The following GOSR1 variants were observed in gnomAD, a reference collection of about 807,000 sequenced individuals.
The protein encoded by GOSR1 is golgi SNAP receptor complex member 1, also known as 28 kDa Golgi SNARE protein.
GOSR1 carries 21 observed loss-of-function variants against 35.5 expected under a neutral mutation model. The observed-to-expected ratio is 0.59, with a 90% confidence interval of 0.42 to 0.85. The LOEUF (loss-of-function observed/expected upper bound fraction) is 0.85. GOSR1 is among the 40% of genes least tolerant of loss of function. GOSR1 has a pLI of 0.00. For missense variants in GOSR1, 285 were observed against 309.6 expected, an observed-to-expected ratio of 0.92 and a Z score of 0.60; for synonymous variants, 94 against 106.6, an observed-to-expected ratio of 0.88 and a Z score of 0.73.
intron 6 of GOSR1, among the ~76,000 whole-genome samples, chr17:30,500,966 C>T (rs1187659949): frequency 2.0e-5 from 3 of 151,456 alleles, no homozygotes; most frequent in African/African-American, 7.3e-5. Flanking sequence ...CTGCAAGCTC[C>T]GCCTCCCGGG....
chr17:30,484,958 T>C (rs562198917), intron 4 of GOSR1, 188 bp downstream of exon 4: 3 of 622,602 alleles, frequency 4.8e-6, no homozygotes, highest in African/African-American at 3.7e-5. Context: ...TCTGAAAATA[T>C]CTAATAGCTC....
chr17:30,513,765 C>T (rs1967698773), intron 7 of GOSR1, among the ~76,000 whole-genome samples: 1 of 151,924 alleles, frequency 6.6e-6, no homozygotes, highest in Admixed American at 6.6e-5. Context: ...GCCAGAGCAA[C>T]ATAGTGAGAC....
intron 7 of GOSR1, among the ~76,000 whole-genome samples, chr17:30,516,970 T>A (rs1967842175): frequency 6.6e-6 from 1 of 152,156 alleles, no homozygotes; most frequent in South Asian, 2.1e-4. Flanking sequence ...CTGCCTTGGC[T>A]TCCCAAAGTG....
intron 7 of GOSR1, among the ~76,000 whole-genome samples, chr17:30,519,374 T>G (rs1967941700): frequency 6.6e-6 from 1 of 152,218 alleles, no homozygotes; most frequent in Non-Finnish European, 1.5e-5. Context: ...CCACGTTTAA[T>G]GAGTCTGTGA....
chr17:30,489,559 G>A (rs1017413815), intron 4 of GOSR1, among the ~76,000 whole-genome samples: 2 of 152,086 alleles, frequency 1.3e-5, no homozygotes, highest in Non-Finnish European at 2.9e-5. Context: ...GGTCAACAGG[G>A]ACTCTGGGAG....
chr17:30,505,486 A>G (rs1187678543), intron 6 of GOSR1, among the ~76,000 whole-genome samples: 6 of 152,120 alleles, frequency 3.9e-5, no homozygotes, highest in South Asian at 2.1e-4. Flanking sequence ...TACAGATACT[A>G]TTTTTTACAA....
intron 6 of GOSR1, among the ~76,000 whole-genome samples, chr17:30,501,096 G>T (rs2143778991): frequency 6.6e-6 from 1 of 152,124 alleles, no homozygotes; most frequent in African/African-American, 2.4e-5. Context: ...TAGCCGGGAT[G>T]GTCTCGATCT....
intron 6 of GOSR1, chr17:30,495,374 T>C: frequency 2.2e-6 from 1 of 448,366 alleles, no homozygotes; most frequent in South Asian, 1.6e-5. Flanking sequence ...TTTTGTCATT[T>C]TGAATAAAAT....
At chr17:30,495,620 G>A (rs1340618092) in intron 6 of GOSR1, 1 of 322,864 alleles carries the variant, frequency 3.1e-6, no homozygotes, top group Non-Finnish European at 6.2e-6. Flanking sequence ...CTCACTGTCA[G>A]CCAACACATT....
Position 30,477,465 on chromosome 17 carries a change from G to T in GOSR1, c.31+1G>T. On this transcript the variant is annotated splice_donor_variant, in intron 1 of 8. Transcript: ENST00000451249. LOFTEE classifies it high-confidence loss of function. ...GCAGGGACCAGCAGTTACTGGGAAGGTGAGGGCGAGAAGGCCTCCGGGTGC... is the reference window on the plus strand; with the variant it reads ...GCAGGGACCAGCAGTTACTGGGAAGTTGAGGGCGAGAAGGCCTCCGGGTGC... 6.2e-7 allele frequency: 1 copy of T among 1,608,166 alleles called. No individual in the cohort carries two copies. Among genetic ancestry groups the T allele is most frequent in the Non-Finnish European group, 8.5e-7 (1 of 1,176,640 alleles).
At chr17:30,480,742 TG>T (rs1317596429) in intron 1 of GOSR1, 5 of 77,490 alleles carry the variant, frequency 6.5e-5, no homozygotes, top group Admixed American at 1.3e-4. Flanking sequence ...GACATAGTTT[TG>T]TTCTTGTTAC....
At chr17:30,497,031 A>G (rs549035119) in intron 6 of GOSR1, among the ~76,000 whole-genome samples, 72 of 152,338 alleles carry the variant, frequency 4.7e-4, no homozygotes, top group Admixed American at 3.1e-3. Flanking sequence ...GATATTTAAA[A>G]TATTATCCTA....
chr17:30,500,231 T>C (rs1447410220), intron 6 of GOSR1, among the ~76,000 whole-genome samples: 1 of 152,194 alleles, frequency 6.6e-6, no homozygotes, highest in Non-Finnish European at 1.5e-5. Flanking sequence ...TTTGGTCCTA[T>C]TTAAGAAATC....
At chr17:30,492,590 A>G (rs752294884) in intron 5 of GOSR1, 89 bp from the exon 6 acceptor site, 20 of 738,788 alleles carry the variant, frequency 2.7e-5, no homozygotes, top group East Asian at 2.5e-4. Flanking sequence ...GAGAGGCTCA[A>G]TTTTTCTACT....
At chr17:30,516,186 G>A (rs1316235708) in intron 7 of GOSR1, among the ~76,000 whole-genome samples, 2 of 152,112 alleles carry the variant, frequency 1.3e-5, no homozygotes, top group African/African-American at 4.8e-5. Flanking sequence ...TAAAGAAAAA[G>A]TCAGCCGGGC....
intron 4 of GOSR1, among the ~76,000 whole-genome samples, chr17:30,489,438 G>A (rs960576366): frequency 2.6e-5 from 4 of 152,126 alleles, no homozygotes; most frequent in African/African-American, 9.7e-5. Flanking sequence ...GATGGTAACA[G>A]TTATGAGGTA....
At position 30,496,122 on chromosome 17, in the gene GOSR1, T is replaced by G. The variant is rs1966988069; in HGVS notation, c.509+3369T>G. ...ATAGGAGTATCCCTCTTTACCCCTT[T>G]CCTATAGTTGTTAAGGGATGGAATA... On this transcript the variant is annotated intron_variant, in intron 6 of 8. Transcript: ENST00000451249. Among the ~76,000 whole-genome samples the G allele has an allele frequency of 2.0e-5, 3 of 152,178 alleles. No homozygotes were observed. In the South Asian group the frequency reaches 6.2e-4, roughly 31 times the overall value.
intron 6 of GOSR1, among the ~76,000 whole-genome samples, chr17:30,493,959 T>C (rs1352165145): frequency 6.6e-6 from 1 of 152,178 alleles, no homozygotes; most frequent in African/African-American, 2.4e-5. Flanking sequence ...AAATCAGAAT[T>C]GCAGGATTAA....
At chr17:30,518,864 G>A (rs1299999482) in intron 7 of GOSR1, among the ~76,000 whole-genome samples, 1 of 151,972 alleles carries the variant, frequency 6.6e-6, no homozygotes, top group East Asian at 1.9e-4. Context: ...GATTGCTTGA[G>A]CCCAGGGAGT....
Sources: gnomAD v4.1 joint callset for allele counts (sites outside exome capture counted in the v4.1 genomes callset) on GRCh38, gnomAD v4.1.1 for gene constraint, MANE v1.5 for transcripts, NCBI Gene and HGNC (gene_info 2026-07-23, HGNC 2026-07-21) for gene names.